Variants in B3GALT1 observed in about 807,000 individuals in gnomAD.
B3GALT1 encodes the protein UDP-Gal:betaGlcNAc beta 1,3-galactosyltransferase, polypeptide 1.
B3GALT1 carries 10 observed loss-of-function variants against 23.2 expected under a neutral mutation model. The ratio of observed to expected loss-of-function variants is 0.43; its 90% CI spans 0.27 to 0.73. The LOEUF is 0.73. Ranked by LOEUF, B3GALT1 falls within the 30% of genes least tolerant of loss-of-function variation. B3GALT1 has a pLI of 0.21. For synonymous variants in B3GALT1, 156 were observed against 141.5 expected (o/e 1.10, Z -0.73); for missense variants, 299 against 405.4 (o/e 0.74, Z 2.25).
chr2:167,432,239 A>G (rs1698717193), intron 1 of B3GALT1, among the ~76,000 whole-genome samples: 1 of 152,210 alleles, frequency 6.6e-6, no homozygotes, highest in Non-Finnish European at 1.5e-5. Flanking sequence ...TGAACACTCT[A>G]GTGACAGACT....
chr2:167,859,149 G>A (rs1690052930), intron 4 of B3GALT1, among the ~76,000 whole-genome samples: 1 of 152,034 alleles, frequency 6.6e-6, no homozygotes, highest in Admixed American at 6.6e-5. Flanking sequence ...TTTCCCAGTG[G>A]AGAAGCCCCA....
At chr2:167,432,745 A>G (rs905709998) in intron 1 of B3GALT1, among the ~76,000 whole-genome samples, 1 of 152,190 alleles carries the variant, frequency 6.6e-6, no homozygotes, top group Non-Finnish European at 1.5e-5. Context: ...GGCAGAGGAA[A>G]AACATTAATT....
At chr2:167,808,829 C>T (rs1270224244) in intron 3 of B3GALT1, among the ~76,000 whole-genome samples, 1 of 152,138 alleles carries the variant, frequency 6.6e-6, no homozygotes, top group East Asian at 1.9e-4. Flanking sequence ...GAATGTTGGC[C>T]TGTCTTGCTA....
At chr2:167,697,944 C>A (rs986006926) in intron 3 of B3GALT1, among the ~76,000 whole-genome samples, 1 of 152,190 alleles carries the variant, frequency 6.6e-6, no homozygotes, top group Non-Finnish European at 1.5e-5. Flanking sequence ...TGTGCAATTT[C>A]AGTTGTGTCT....
chr2:167,796,322 A>G (rs567474803), intron 3 of B3GALT1, among the ~76,000 whole-genome samples: 1 of 152,248 alleles, frequency 6.6e-6, no homozygotes, highest in East Asian at 1.9e-4. Context: ...TCACTTTTTT[A>G]TGTGCCTTAT....
chr2:167,476,299 CAGGCAG>C (rs561305420), intron 1 of B3GALT1, among the ~76,000 whole-genome samples: 34 of 152,350 alleles, frequency 2.2e-4, no homozygotes, highest in African/African-American at 8.2e-4. Context: ...TCAGTAGTCA[CAGGCAG>C]ATTTGGGACA....
chr2:167,351,925 C>T (rs1368589129), intron 1 of B3GALT1, among the ~76,000 whole-genome samples: 2 of 150,166 alleles, frequency 1.3e-5, no homozygotes, highest in African/African-American at 4.9e-5. Context: ...CAGAATCTTC[C>T]AATACTGTGA....
At chr2:167,612,366 C>CA (rs1685081342) in intron 2 of B3GALT1, among the ~76,000 whole-genome samples, 4 of 70,420 alleles carry the variant, frequency 5.7e-5, no homozygotes, top group African/African-American at 8.7e-5. Flanking sequence ...ATTATTAGGC[C>CA]TTTATTATTA....
chr2:167,409,736 T>A (rs1698361804), intron 1 of B3GALT1, among the ~76,000 whole-genome samples: 1 of 151,924 alleles, frequency 6.6e-6, no homozygotes, highest in Admixed American at 6.6e-5. Context: ...AGATACCATC[T>A]CATGCCAGTT....
chr2:167,803,984 T>C (rs536886135), intron 3 of B3GALT1, among the ~76,000 whole-genome samples: 5 of 152,300 alleles, frequency 3.3e-5, no homozygotes, highest in African/African-American at 1.2e-4. Context: ...ATATTTGCCC[T>C]GATTTATGAC....
intron 2 of B3GALT1, among the ~76,000 whole-genome samples, chr2:167,563,306 GGGC>G (rs1558906697): frequency 5.2e-5 from 7 of 133,918 alleles, no homozygotes; most frequent in African/African-American, 2.1e-4. Flanking sequence ...AGGGGCGGCC[GGGC>G]AGAGGCGCCC....
intron 1 of B3GALT1, among the ~76,000 whole-genome samples, chr2:167,386,357 A>G (rs774825523): frequency 6.6e-6 from 1 of 152,162 alleles, no homozygotes; most frequent in African/African-American, 2.4e-5. Flanking sequence ...AAATAGTGGT[A>G]TTAATTTTAT....
At chr2:167,819,796 C>G (rs1689068224) in intron 4 of B3GALT1, among the ~76,000 whole-genome samples, 1 of 152,160 alleles carries the variant, frequency 6.6e-6, no homozygotes, top group African/African-American at 2.4e-5. Context: ...CACCAAATGC[C>G]TCTCTCCTGG....
intron 2 of B3GALT1, among the ~76,000 whole-genome samples, chr2:167,598,454 G>A (rs1400287226): frequency 6.6e-6 from 1 of 152,130 alleles, no homozygotes; most frequent in African/African-American, 2.4e-5. Context: ...AATTGCCTCA[G>A]ATATCAGGTG....
intron 2 of B3GALT1, among the ~76,000 whole-genome samples, chr2:167,594,951 G>T (rs1433633581): frequency 2.6e-5 from 4 of 152,032 alleles, no homozygotes; most frequent in African/African-American, 9.7e-5. Flanking sequence ...GGACAAACGT[G>T]TGGGCAGCTG....
At chr2:167,406,724 A>C (rs1698284958) in intron 1 of B3GALT1, among the ~76,000 whole-genome samples, 1 of 152,174 alleles carries the variant, frequency 6.6e-6, no homozygotes, top group East Asian at 1.9e-4. Flanking sequence ...CCAGCCATGG[A>C]AACTCTGTGA....
chr2:167,832,678 G>A (rs1292510166), intron 4 of B3GALT1, among the ~76,000 whole-genome samples: 6 of 152,090 alleles, frequency 3.9e-5, no homozygotes, highest in African/African-American at 4.8e-5. Flanking sequence ...CTCAACAAAC[G>A]CTCTATTAAA....
chr2:167,612,664 T>C (rs1685088683), intron 2 of B3GALT1, among the ~76,000 whole-genome samples: 2 of 151,968 alleles, frequency 1.3e-5, no homozygotes, highest in South Asian at 4.1e-4. Flanking sequence ...CCAAATATTC[T>C]ATAATTACTT....
At chr2:167,441,260 G>A (rs1259607966) in intron 1 of B3GALT1, among the ~76,000 whole-genome samples, 1 of 152,210 alleles carries the variant, frequency 6.6e-6, no homozygotes, top group Admixed American at 6.5e-5. Context: ...TGAATCTCTG[G>A]TAGAAGATTG....
Sources: allele counts gnomAD v4.1 joint callset (sites outside exome capture counted in the v4.1 genomes callset), GRCh38; gene constraint gnomAD v4.1.1; transcripts MANE v1.5; gene names NCBI Gene and HGNC (gene_info 2026-07-23, HGNC 2026-07-21).